The following OTOA variants were observed in gnomAD, a reference collection of about 807,000 sequenced individuals.
OTOA encodes the protein cancer/testis antigen 108.
OTOA carries 70 observed loss-of-function variants against 110.8 expected under a neutral mutation model. The observed-to-expected ratio is 0.63, with a 90% confidence interval of 0.52 to 0.77. The LOEUF (loss-of-function observed/expected upper bound fraction) is 0.77. OTOA is among the 30% of genes least tolerant of loss of function. The pLI is 0.00. For synonymous variants in OTOA, 373 were observed against 431.5 expected (o/e 0.86, Z 1.68); for missense variants, 917 against 1,075.8 (o/e 0.85, Z 2.06).
At chr16:21,696,695 A>G (rs1275359359) in intron 9 of OTOA, among the ~76,000 whole-genome samples, 2 of 151,892 alleles carry the variant, frequency 1.3e-5, no homozygotes, top group Non-Finnish European at 2.9e-5. Context: ...TCAGCCTCCC[A>G]AGTAGCTGGG....
In OTOA at chr16:21,685,754, G is replaced by C. The variant is rs1468609867; in HGVS notation, c.399+393G>C. ...ATTTTTGTATTTTTAGTAGAGACGAGATTTTGCCAGGCTGGTCTCAAACTC... is the reference window on the plus strand; with the variant it reads ...ATTTTTGTATTTTTAGTAGAGACGACATTTTGCCAGGCTGGTCTCAAACTC... On this transcript the variant is annotated intron_variant, in intron 7 of 28. Coordinates refer to ENST00000646100, the MANE Select transcript of OTOA (RefSeq NM_144672.4). Among the ~76,000 whole-genome samples, 3 of 151,634 alleles carry C rather than the reference G, an allele frequency of 2.0e-5. No homozygotes were observed. In the South Asian group the frequency reaches 6.2e-4, roughly 32 times the overall value.
rs913427312 is a variant in OTOA at position 21,685,388 on chromosome 16, T to C, written c.399+27T>C. 7 of 1,605,630 alleles carry C rather than the reference T, an allele frequency of 4.4e-6. No homozygotes were observed. In the African/African-American group the frequency reaches 5.4e-5, roughly 12 times the overall value. On this transcript the variant is annotated intron_variant, in intron 7 of 28. Transcript: ENST00000646100. ...TGAGGAGCCCTTGGCATCCCGGGGA[T>C]AGAGGAAGTCCAGCACCACGTGGTG...
rs1966867182 is a variant in OTOA, at chr16:21,678,500, A to T, written c.-4-11A>T. The T allele has an allele frequency of 6.2e-7, 1 of 1,600,778 alleles. No homozygotes were observed. The highest frequency in any genetic ancestry group is 8.6e-7 in the Non-Finnish European group (1 of 1,168,668). The stretch of plus-strand genomic sequence containing the variant: ...AAACATGAATCACTTCTATGCTTAA[A>T]TTAACTACAGGAGAATGTCTCAGGA... On this transcript the variant is annotated splice_polypyrimidine_tract_variant and intron_variant, in intron 1 of 28. Coordinates refer to ENST00000646100, the MANE Select transcript of OTOA (RefSeq NM_144672.4).
At chr16:21,699,906 G>A (rs1304899861) in intron 10 of OTOA, among the ~76,000 whole-genome samples, 2 of 151,812 alleles carry the variant, frequency 1.3e-5, no homozygotes, top group South Asian at 2.1e-4. Flanking sequence ...GTGACAGAGC[G>A]AGACTCCATC....
intron 28 of OTOA, among the ~76,000 whole-genome samples, 157 bp from the exon 29 acceptor site, chr16:21,760,313 C>G (rs931150435): frequency 6.6e-6 from 1 of 151,676 alleles, no homozygotes; most frequent in Admixed American, 6.6e-5. Context: ...CACCCCTCCT[C>G]CTCTTTGGGG....
At chr16:21,720,141 A>T (rs1898684554) in intron 17 of OTOA, among the ~76,000 whole-genome samples, 1 of 151,904 alleles carries the variant, frequency 6.6e-6, no homozygotes, top group Non-Finnish European at 1.5e-5. Context: ...TTTTTTGCAG[A>T]GATAGGGTCT....
intron 8 of OTOA, among the ~76,000 whole-genome samples, chr16:21,688,610 G>A (rs1447013672): frequency 6.6e-6 from 1 of 152,142 alleles, no homozygotes; most frequent in Non-Finnish European, 1.5e-5. Flanking sequence ...AGATCAAGGT[G>A]CTGACAGACT....
chr16:21,667,614 C>A (rs1216492381), intron 1 of OTOA, among the ~76,000 whole-genome samples: 4 of 148,522 alleles, frequency 2.7e-5, no homozygotes, highest in South Asian at 2.1e-4. Context: ...AAAAAAAAAA[C>A]AATTAAATAA....
chr16:21,675,715 G>T (rs1966856462), intron 1 of OTOA, among the ~76,000 whole-genome samples: 1 of 151,796 alleles, frequency 6.6e-6, no homozygotes, highest in Admixed American at 6.6e-5. Context: ...AGTTCCTCTT[G>T]GGGTTTTTTT....
intron 11 of OTOA, 117 bp downstream of exon 11, chr16:21,701,144 GAATAGTCCC>G: frequency 6.9e-7 from 1 of 1,451,486 alleles, no homozygotes; most frequent in East Asian, 2.3e-5. Flanking sequence ...CCATCTCTTT[GAATAGTCCC>G]ATATTTCTCT....
At chr16:21,694,656 A>G (rs1443595438) in intron 9 of OTOA, among the ~76,000 whole-genome samples, 1 of 152,148 alleles carries the variant, frequency 6.6e-6, no homozygotes, top group Non-Finnish European at 1.5e-5. Flanking sequence ...AGGGCATCCC[A>G]GAGAGAAATC....
At chr16:21,678,477 A>T in intron 1 of OTOA, 34 bp from the exon 2 acceptor site, 3 of 1,421,634 alleles carry the variant, frequency 2.1e-6, no homozygotes, top group Non-Finnish European at 3.0e-6. Context: ...TATTAAAAAA[A>T]CATGAATCAC....
At chr16:21,703,986 G>T (rs1297109308) in intron 11 of OTOA, among the ~76,000 whole-genome samples, 1 of 152,140 alleles carries the variant, frequency 6.6e-6, no homozygotes, top group African/African-American at 2.4e-5. Flanking sequence ...TCTCTGTACA[G>T]TATGGGAGTA....
chr16:21,710,057 A>T lies in OTOA; in HGVS notation c.1274A>T (p.Lys425Met), dbSNP rs751751146. The T allele has an allele frequency of 6.2e-7, 1 of 1,614,080 alleles. No homozygotes were observed. The highest frequency in any genetic ancestry group is 1.3e-5 in the African/African-American group (1 of 75,034). ...CTCAACCAGGTCTCAGGTTGGGCCA[A>T]GAGCCAGGTCATCATCTTGTCTGCC... ...STLNQVSGWAKSQVIILSAKY... is the reference protein window; with the variant it reads ...STLNQVSGWAMSQVIILSAKY... Residue 425 changes from lysine (K) to methionine (M), a missense_variant, in exon 13 of 29, where the codon AAG becomes ATG. Around this residue, in one of 6 missense-constraint regions of OTOA, gnomAD observed 840 missense variants for 910.2 expected, o/e 0.92. Transcript: ENST00000646100.
chr16:21,674,476 G>A (rs1842454218), intron 1 of OTOA, among the ~76,000 whole-genome samples: 1 of 152,020 alleles, frequency 6.6e-6, no homozygotes, highest in South Asian at 2.1e-4. Flanking sequence ...TGGGACTACA[G>A]GCATGAGCCA....
chr16:21,714,803 C>A (rs1268969232), intron 13 of OTOA, among the ~76,000 whole-genome samples, 182 bp from the exon 14 acceptor site: 1 of 152,168 alleles, frequency 6.6e-6, no homozygotes, highest in Non-Finnish European at 1.5e-5. Flanking sequence ...AGCCACCATG[C>A]CTGGCCAACT....
intron 19 of OTOA, among the ~76,000 whole-genome samples, chr16:21,727,338 A>G (rs1485684874): frequency 6.6e-6 from 1 of 152,136 alleles, no homozygotes; most frequent in Non-Finnish European, 1.5e-5. Context: ...TATTGAAAAC[A>G]TGACATGGGC....
intron 9 of OTOA, among the ~76,000 whole-genome samples, chr16:21,695,880 TATATATA>T (rs1215559990): frequency 1.1e-4 from 5 of 44,846 alleles, no homozygotes; most frequent in African/African-American, 5.8e-4. Flanking sequence ...TATATATATA[TATATATA>T]TATATTTTTT....
rs370786729 is a variant in OTOA, at chr16:21,704,974, G to T, written c.981-195G>T. 6.9e-6 allele frequency: 6 copies of T among 866,254 alleles called. No individual in the cohort carries two copies. In the African/African-American group the frequency reaches 9.9e-5, roughly 14 times the overall value. The allele number at this position is 866,254 out of a possible 1,614,324, so 53.7% of individuals were successfully genotyped here. On this transcript the variant is annotated intron_variant, in intron 11 of 28. Coordinates refer to ENST00000646100, the MANE Select transcript of OTOA (RefSeq NM_144672.4). ...CTTCATAATTCAGCCCCCATTCCTTGGTCTCGTCTGAGCAGTTAGGTTCCG... is the reference window on the plus strand; with the variant it reads ...CTTCATAATTCAGCCCCCATTCCTTTGTCTCGTCTGAGCAGTTAGGTTCCG...
Sources: allele counts gnomAD v4.1 joint callset (sites outside exome capture counted in the v4.1 genomes callset), GRCh38; gene constraint gnomAD v4.1.1; regional missense constraint gnomAD v4.1.1; transcripts MANE v1.5; gene names NCBI Gene and HGNC (gene_info 2026-07-23, HGNC 2026-07-21).